TOM1L2: variants seen among roughly 807,000 people sequenced by gnomAD.
The protein encoded by TOM1L2 is target of myb1 like 2 membrane trafficking protein.
A neutral mutation model predicts 67.9 loss-of-function variants in TOM1L2; 31 were observed. The ratio of observed to expected loss-of-function variants is 0.46; its 90% confidence interval spans 0.34 to 0.62. TOM1L2 has a LOEUF of 0.62. Among genes scored for constraint, TOM1L2 ranks in the 20% least tolerant of loss-of-function variants. TOM1L2 has a pLI of 0.01. For synonymous variants in TOM1L2, 256 were observed against 254.0 expected, an observed-to-expected ratio of 1.01 and a Z score of -0.07; for missense variants, 606 against 663.5, an observed-to-expected ratio of 0.91 and a Z score of 0.95.
At chr17:17,889,625 C>T (rs2038173313) in intron 4 of TOM1L2, among the ~76,000 whole-genome samples, 2 of 152,158 alleles carry the variant, frequency 1.3e-5, no homozygotes, top group South Asian at 2.1e-4. Flanking sequence ...TAGGGAGGCA[C>T]GTCTGTGTGG....
chr17:17,918,287 T>C (rs1477118682), intron 1 of TOM1L2, among the ~76,000 whole-genome samples: 1 of 152,126 alleles, frequency 6.6e-6, no homozygotes, highest in African/African-American at 2.4e-5. Context: ...CAAGGTTTTC[T>C]ACATGTAAAG....
intron 1 of TOM1L2, among the ~76,000 whole-genome samples, chr17:17,938,989 TTC>T (rs1290906368): frequency 1.3e-5 from 2 of 152,174 alleles, no homozygotes; most frequent in Non-Finnish European, 2.9e-5. Flanking sequence ...TAGAATTCCA[TTC>T]TGTCTGACCT....
At chr17:17,894,761 C>T (rs776823842) in intron 3 of TOM1L2, among the ~76,000 whole-genome samples, 7 of 152,116 alleles carry the variant, frequency 4.6e-5, no homozygotes, top group Non-Finnish European at 8.8e-5. Context: ...CGAAGCCCTG[C>T]GTCTACTACA....
At chr17:17,855,976 C>A (rs1191126410) in intron 12 of TOM1L2, among the ~76,000 whole-genome samples, 6 of 145,122 alleles carry the variant, frequency 4.1e-5, no homozygotes, top group African/African-American at 1.5e-4. Flanking sequence ...AAAAAAAAAA[C>A]AAACTGCAGT....
intron 3 of TOM1L2, 51 bp downstream of exon 3, chr17:17,898,538 AGGCCAGG>A (rs974905443): frequency 1.3e-6 from 2 of 1,580,474 alleles, no homozygotes; most frequent in Admixed American, 3.3e-5. Context: ...GAGGGGGGCA[AGGCCAGG>A]AGCAAGGAGT....
chr17:17,850,316 T>C (rs2035887604), intron 13 of TOM1L2, among the ~76,000 whole-genome samples: 1 of 152,162 alleles, frequency 6.6e-6, no homozygotes, highest in East Asian at 1.9e-4. Flanking sequence ...TTGGGACCTG[T>C]TGCCATTTTC....
At chr17:17,873,958 A>T (rs1182090456) in intron 7 of TOM1L2, among the ~76,000 whole-genome samples, 8 of 141,292 alleles carry the variant, frequency 5.7e-5, no homozygotes, top group Admixed American at 2.1e-4. Context: ...TTACTTACTT[A>T]TTTTTTTTTT....
At chr17:17,887,987 G>A (rs1292121312) in intron 4 of TOM1L2, among the ~76,000 whole-genome samples, 1 of 151,600 alleles carries the variant, frequency 6.6e-6, no homozygotes, top group African/African-American at 2.4e-5. Context: ...GGCTGACCCA[G>A]CTGAGAATAC....
chr17:17,856,156 T>C (rs925606153), intron 12 of TOM1L2, among the ~76,000 whole-genome samples: 1 of 152,206 alleles, frequency 6.6e-6, no homozygotes, highest in African/African-American at 2.4e-5. Context: ...GGCAGTATCC[T>C]TTTTTGCAGG....
At chr17:17,860,280 A>G (rs145626175) in intron 12 of TOM1L2, among the ~76,000 whole-genome samples, 1 of 152,370 alleles carries the variant, frequency 6.6e-6, no homozygotes, top group Non-Finnish European at 1.5e-5. Flanking sequence ...CAGAGCCATG[A>G]GCACTGCATT....
At chr17:17,875,972 A>T (rs578147042) in intron 7 of TOM1L2, among the ~76,000 whole-genome samples, 1 of 152,384 alleles carries the variant, frequency 6.6e-6, no homozygotes, top group South Asian at 2.1e-4. Context: ...AAGAGGAGAT[A>T]CACCATCTGC....
intron 4 of TOM1L2, among the ~76,000 whole-genome samples, chr17:17,889,560 C>A (rs1025310878): frequency 6.6e-6 from 1 of 152,160 alleles, no homozygotes; most frequent in Admixed American, 6.5e-5. Context: ...GTAATCAGAG[C>A]CATGGGTTCT....
chr17:17,909,006 C>A (rs1425748920), intron 1 of TOM1L2, among the ~76,000 whole-genome samples: 3 of 152,054 alleles, frequency 2.0e-5, no homozygotes, highest in Non-Finnish European at 2.9e-5. Context: ...ATGGTGAAAC[C>A]CCGTCTCTAC....
Position 17,879,755 on chromosome 17 carries a change from C to G in TOM1L2, c.661-12G>C. The G allele has an allele frequency of 6.2e-7, 1 of 1,608,732 alleles. No individual in the cohort carries two copies. Among genetic ancestry groups the G allele is most frequent in the Non-Finnish European group, 8.5e-7 (1 of 1,175,052 alleles). ...CGCAGCCTGGCAATCTGGTGGGGGC[C>G]ACGAGGAAGGAAAGCAGGAAGGAAA... On this transcript the variant is annotated splice_polypyrimidine_tract_variant and intron_variant, in intron 6 of 14. Transcript: ENST00000379504.
At chr17:17,948,667 C>T (rs1411024896) in intron 1 of TOM1L2, among the ~76,000 whole-genome samples, 1 of 150,766 alleles carries the variant, frequency 6.6e-6, no homozygotes, top group Non-Finnish European at 1.5e-5. Context: ...AAAAAGGTGG[C>T]CCTTTCTTAG....
chr17:17,951,565 A>C (rs1053982268), intron 1 of TOM1L2, among the ~76,000 whole-genome samples: 1 of 152,170 alleles, frequency 6.6e-6, no homozygotes, highest in African/African-American at 2.4e-5. Flanking sequence ...AAATAAATAA[A>C]AACCATATGA....
chr17:17,859,486 T>C (rs1713026488), intron 12 of TOM1L2: 1 of 152,262 alleles, frequency 6.6e-6, no homozygotes. Flanking sequence ...TGGGCAAGAA[T>C]ATGTGTAGAC....
At chr17:17,880,358 T>C (rs1192591006) in intron 6 of TOM1L2, among the ~76,000 whole-genome samples, 1 of 151,892 alleles carries the variant, frequency 6.6e-6, no homozygotes, top group Non-Finnish European at 1.5e-5. Flanking sequence ...CCTTGAAAAA[T>C]ACCCAAGTTG....
At chr17:17,931,193 C>T (rs73301859) in intron 1 of TOM1L2, among the ~76,000 whole-genome samples, 2,379 of 152,196 alleles carry the variant, frequency 0.016, 71 homozygotes, top group African/African-American at 0.054. Context: ...CCCACCTTTT[C>T]GTTACTACCT....
Sources: gnomAD v4.1 joint callset for allele counts (sites outside exome capture counted in the v4.1 genomes callset) on GRCh38, gnomAD v4.1.1 for gene constraint, MANE v1.5 for transcripts, NCBI Gene and HGNC (gene_info 2026-07-23, HGNC 2026-07-21) for gene names.